PADI3: variants seen among roughly 807,000 people sequenced by gnomAD.
PADI3 encodes peptidyl arginine deiminase 3.
Under a neutral mutation model 71.5 loss-of-function variants are expected in PADI3, and 53 were observed. That is an observed-to-expected ratio of 0.74 (90% CI 0.59 to 0.93). PADI3 has a LOEUF of 0.93. PADI3 is among the 40% of genes least tolerant of loss of function. PADI3 has a pLI of 0.00. For missense variants in PADI3, 821 were observed against 868.0 expected (o/e 0.95, Z 0.68); for synonymous variants, 361 against 347.5 (o/e 1.04, Z -0.43).
intron 1 of PADI3, among the ~76,000 whole-genome samples, chr1:17,254,569 G>A (rs937213119): frequency 5.9e-5 from 9 of 152,100 alleles, no homozygotes; most frequent in Non-Finnish European, 1.2e-4. Flanking sequence ...GTAAAGTGGG[G>A]ATAATAGCAC....
rs540753881 is a variant in PADI3, at chr1:17,283,678, TA to T, written c.*600del. ...CCCTCACCCAGCGTGAGCTGTCACA[TA>T]GTAGGAGCTTCTAGATGCATGTGGA... is the stretch of plus-strand genomic sequence containing the variant. On this transcript the variant is annotated 3_prime_UTR_variant, in exon 16 of 16. Transcript: ENST00000375460. The T allele has an allele frequency of 9.1e-4, 138 of 152,482 alleles. 2 individuals are homozygous for T. The highest frequency in any genetic ancestry group is 3.1e-3 in the African/African-American group (127 of 41,566). The allele number at this position is 152,482 out of a possible 1,614,324, so 9.4% of individuals were successfully genotyped here.
At chr1:17,279,433 G>T (rs2073373872) in intron 13 of PADI3, among the ~76,000 whole-genome samples, 2 of 152,188 alleles carry the variant, frequency 1.3e-5, no homozygotes, top group African/African-American at 4.8e-5. Context: ...CAGCAAGATT[G>T]CAGTGGAGCT....
Position 17,283,095 on chromosome 1 carries a change from C to G in PADI3, c.*16C>G. 1.3e-6 allele frequency: 2 copies of G among 1,598,720 alleles called. No homozygotes were observed. Among genetic ancestry groups the G allele is most frequent in the Non-Finnish European group, 1.7e-6 (2 of 1,166,712 alleles). Reference sequence around the variant, plus strand: ...GGTGCCCTGAGACAGCTCCCACCCACCATCCTGTCCCCCTGGGGCGGGCAT... The same window carrying G: ...GGTGCCCTGAGACAGCTCCCACCCAGCATCCTGTCCCCCTGGGGCGGGCAT... On this transcript the variant is annotated 3_prime_UTR_variant, in exon 16 of 16. Transcript: ENST00000375460.
intron 13 of PADI3, among the ~76,000 whole-genome samples, chr1:17,279,981 G>A (rs1569922937): frequency 1.3e-5 from 2 of 152,192 alleles, no homozygotes; most frequent in Admixed American, 6.5e-5. Context: ...CTGACTGATG[G>A]TGGGTGGGTG....
chr1:17,271,857 AG>A (rs1557509548), intron 9 of PADI3, among the ~76,000 whole-genome samples: 5,103 of 104,476 alleles, frequency 0.049, 146 homozygotes, highest in Admixed American at 0.11. Flanking sequence ...AAAAAAAAAG[AG>A]AGAGAGAGAG....
chr1:17,254,874 G>A (rs376801084), intron 1 of PADI3, among the ~76,000 whole-genome samples: 3 of 152,050 alleles, frequency 2.0e-5, no homozygotes, highest in Non-Finnish European at 2.9e-5. Context: ...ATGCCACCAC[G>A]CCCGGCTAGT....
chr1:17,274,298 A>T (rs563103222), intron 10 of PADI3, among the ~76,000 whole-genome samples: 4 of 152,302 alleles, frequency 2.6e-5, no homozygotes, highest in African/African-American at 9.6e-5. Context: ...CTTGGGCTGA[A>T]CTTGCAGGAA....
intron 1 of PADI3, among the ~76,000 whole-genome samples, chr1:17,256,689 T>C (rs2073032250): frequency 1.3e-5 from 2 of 152,134 alleles, no homozygotes; most frequent in African/African-American, 4.8e-5. Flanking sequence ...CCCTTGCCCA[T>C]GGACACTGGA....
At chr1:17,266,633 G>A in intron 4 of PADI3, 86 bp from the exon 5 acceptor site, 1 of 1,055,068 alleles carries the variant, frequency 9.5e-7, no homozygotes, top group Middle Eastern at 2.0e-4. Context: ...AGGGTTGGGT[G>A]GTTACAGGCC....
intron 3 of PADI3, among the ~76,000 whole-genome samples, chr1:17,264,095 A>G (rs545829927): frequency 2.0e-5 from 3 of 152,362 alleles, no homozygotes; most frequent in East Asian, 1.9e-4. Flanking sequence ...CTGTATCAGT[A>G]TACATGTCTG....
chr1:17,259,264 T>C (rs1362682103), intron 1 of PADI3, among the ~76,000 whole-genome samples: 1 of 152,098 alleles, frequency 6.6e-6, no homozygotes, highest in African/African-American at 2.4e-5. Flanking sequence ...AGAGACAGGG[T>C]TTCACCATGT....
In PADI3 at chr1:17,276,519, G is replaced by T; in HGVS notation, c.1308G>T (p.Gly436=). ...TTTTTTTTAACCTCGTGGGTCCCAG[G>T]TCAAGTGGCCGCAGGGTCACCCAGG... ...GRILIGGNLP[G]SSGRRVTQVV... The change falls in exon 12 of 16, where the codon GGG becomes GGT. Residue 436 remains glycine (G), a splice_region_variant and synonymous_variant. Coordinates refer to ENST00000375460, the MANE Select transcript of PADI3 (RefSeq NM_016233.2). The T allele has an allele frequency of 6.2e-7, 1 of 1,613,916 alleles. No individual in the cohort carries two copies. Among genetic ancestry groups the T allele is most frequent in the Non-Finnish European group, 8.5e-7 (1 of 1,179,992 alleles).
At chr1:17,251,274 G>A (rs1318177162) in intron 1 of PADI3, among the ~76,000 whole-genome samples, 1 of 152,202 alleles carries the variant, frequency 6.6e-6, no homozygotes, top group Non-Finnish European at 1.5e-5. Context: ...GCAGGACTGA[G>A]TTAGTTCTGA....
At chr1:17,265,799 A>G (rs2073160723) in intron 4 of PADI3, 79 bp downstream of exon 4, 1 of 1,241,176 alleles carries the variant, frequency 8.1e-7, no homozygotes, top group Non-Finnish European at 1.2e-6. Context: ...GGATGAGGCC[A>G]TTACAGATAT....
In PADI3 at chr1:17,283,336, A is replaced by G. The variant is rs372979551; in HGVS notation, c.*257A>G. 6.4e-6 allele frequency: 3 copies of G among 465,402 alleles called. No homozygotes were observed. Among genetic ancestry groups the G allele is most frequent in the African/African-American group, 2.0e-5 (1 of 51,158 alleles). The allele number at this position is 465,402 out of a possible 1,614,324, so 28.8% of individuals were successfully genotyped here. A position where few individuals can be genotyped will look rare whatever the true frequency, so the allele number is the denominator to read the frequency against. On this transcript the variant is annotated 3_prime_UTR_variant, in exon 16 of 16. Coordinates refer to ENST00000375460, the MANE Select transcript of PADI3 (RefSeq NM_016233.2). Reference sequence around the variant, plus strand: ...TTTCTTATAGCCTCTCCTGTGATTCAACACAACCCATGGAGATGTCCCCTT... The same window carrying G: ...TTTCTTATAGCCTCTCCTGTGATTCGACACAACCCATGGAGATGTCCCCTT...
intron 5 of PADI3, 50 bp from the exon 6 acceptor site, chr1:17,267,787 C>A: frequency 6.2e-7 from 1 of 1,601,552 alleles, no homozygotes; most frequent in Non-Finnish European, 8.5e-7. Context: ...GAGGAAGGGG[C>A]CAGGGGCCAG....
At chr1:17,262,593 A>C (rs1278586450) in intron 3 of PADI3, among the ~76,000 whole-genome samples, 3 of 152,218 alleles carry the variant, frequency 2.0e-5, no homozygotes, top group African/African-American at 7.2e-5. Flanking sequence ...AAAGGTAGAC[A>C]ATATGTATGA....
rs1445000141 is a variant in PADI3 at position 17,270,864 on chromosome 1, G to C, written c.832-15G>C. The C allele has an allele frequency of 1.2e-6, 2 of 1,600,382 alleles. No individual in the cohort carries two copies. The highest frequency in any genetic ancestry group is 1.7e-6 in the Non-Finnish European group (2 of 1,167,800). ...CCAAGTCCAGTGCTCTTTCTCCCCT[G>C]GTCTGCCCCTGCAGGATTTCTCGGC... is the stretch of plus-strand genomic sequence containing the variant. On this transcript the variant is annotated splice_polypyrimidine_tract_variant and intron_variant, in intron 7 of 15. Coordinates refer to ENST00000375460, the MANE Select transcript of PADI3 (RefSeq NM_016233.2).
At chr1:17,266,214 A>G (rs2073166609) in intron 4 of PADI3, among the ~76,000 whole-genome samples, 1 of 152,224 alleles carries the variant, frequency 6.6e-6, no homozygotes, top group South Asian at 2.1e-4. Context: ...CGAGAAGAGA[A>G]ACCAAATATG....
Sources: gnomAD v4.1 joint callset for allele counts (sites outside exome capture counted in the v4.1 genomes callset) on GRCh38, gnomAD v4.1.1 for gene constraint, MANE v1.5 for transcripts, NCBI Gene and HGNC (gene_info 2026-07-23, HGNC 2026-07-21) for gene names.